The following PCNX3 variants were observed in gnomAD, a reference collection of about 807,000 sequenced individuals.
PCNX3 encodes the protein pecanex 3.
In PCNX3, 58 loss-of-function variants were observed where a neutral mutation model predicts 207.2. The observed-to-expected ratio is 0.28, with a 90% CI of 0.23 to 0.35. The LOEUF (loss-of-function observed/expected upper bound fraction) is 0.35, where lower values mean the gene tolerates loss of function less well. Among genes scored for constraint, PCNX3 ranks in the 10% least tolerant of loss-of-function variants. PCNX3 has a pLI of 1.00. For synonymous variants in PCNX3, 1,337 were observed against 1,183.5 expected (o/e 1.13, Z -2.66); for missense variants, 2,410 against 2,774.4 (o/e 0.87, Z 2.95).
At position 65,625,152 on chromosome 11, in the gene PCNX3, G is replaced by T. The variant is rs1357290202; in HGVS notation, c.2920-19G>T. 2.5e-6 allele frequency: 4 copies of T among 1,588,894 alleles called. No homozygotes were observed. The African/African-American group carries it at 5.4e-5, about 21-fold the overall frequency. ...ATGCTTACCTCACCTCCCCTGACCA[G>T]CATGGATTCTCTCCGCAGACTCCGT... On this transcript the variant is annotated intron_variant, in intron 16 of 34. Transcript: ENST00000355703. This position sits in a 1 kb window ranked among gnomAD's most constrained non-coding sequence, Gnocchi z 5.6.
Position 65,629,594 on chromosome 11 carries a change from G to A in PCNX3, c.4075G>A (p.Asp1359Asn). Residue 1359 changes from aspartate to asparagine, a missense_variant, in exon 26 of 35, where the codon GAC becomes AAC. Asp to Asn is a conservative substitution (Grantham distance 23). Transcript: ENST00000355703. ...TTCGCTGCAGCACACACTGTGTGGGGACCTGGTGCTGGGCCGCTGGGGCAA... is the reference window on the plus strand; with the variant it reads ...TTCGCTGCAGCACACACTGTGTGGGAACCTGGTGCTGGGCCGCTGGGGCAA... The part of the protein sequence containing the change: ...TRSLQHTLCG[D>N]LVLGRWGNYG... 6.2e-7 allele frequency: 1 copy of A among 1,613,082 alleles called. No individual in the cohort carries two copies. Among genetic ancestry groups the A allele is most frequent in the Non-Finnish European group, 8.5e-7 (1 of 1,179,562 alleles).
chr11:65,624,597 G>T lies in PCNX3; in HGVS notation c.2827+16G>T. Reference sequence around the variant, plus strand: ...GGGGGCACAGGTATGATGCCCACAGGTGGCTCAGGGATGGGGCCCGTGTGG... The same window carrying T: ...GGGGGCACAGGTATGATGCCCACAGTTGGCTCAGGGATGGGGCCCGTGTGG... On this transcript the variant is annotated intron_variant, in intron 15 of 34. Transcript: ENST00000355703. 1 of 1,568,486 alleles carries T rather than the reference G, an allele frequency of 6.4e-7. No individual in the cohort carries two copies. Among genetic ancestry groups the T allele is most frequent in the Non-Finnish European group, 8.7e-7 (1 of 1,154,170 alleles).
At chr11:65,616,528 G>T in intron 1 of PCNX3, 64 bp downstream of exon 1, 1 of 1,525,650 alleles carries the variant, frequency 6.6e-7, no homozygotes, top group Non-Finnish European at 8.9e-7. Context: ...CAGGGATTCA[G>T]GGCAGTGCCC....
Position 65,634,997 on chromosome 11 carries a change from G to A in PCNX3, c.4830G>A (p.Leu1610=), listed in dbSNP as rs949349718. The A allele has an allele frequency of 6.2e-7, 1 of 1,613,786 alleles. No homozygotes were observed. The highest frequency in any genetic ancestry group is 2.2e-5 in the East Asian group (1 of 44,856). ...SASLEPFLYG[L]HALFKGDFRI... The stretch of plus-strand genomic sequence containing the variant: ...GCCTGGAGCCCTTCCTCTACGGCCT[G>A]CACGCCCTGTTCAAGGGGGATTTTC... Residue 1610 remains leucine (L), a synonymous_variant, in exon 30 of 35, where the codon CTG becomes CTA. Coordinates refer to ENST00000355703, the MANE Select transcript of PCNX3 (RefSeq NM_032223.4).
At chr11:65,623,242 C>T (rs995800706) in intron 11 of PCNX3, among the ~76,000 whole-genome samples, 4 of 152,210 alleles carry the variant, frequency 2.6e-5, no homozygotes, top group African/African-American at 4.8e-5. Flanking sequence ...GTAATGGCAC[C>T]CTGAGCTCTC....
chr11:65,631,802 A>T (rs1020097624), intron 27 of PCNX3, among the ~76,000 whole-genome samples: 1 of 152,000 alleles, frequency 6.6e-6, no homozygotes, highest in South Asian at 2.1e-4. Flanking sequence ...TGGGTGGCCT[A>T]CTGGGGCCCA....
At chr11:65,628,027 G>A (rs1408371569) in intron 22 of PCNX3, among the ~76,000 whole-genome samples, 1 of 152,172 alleles carries the variant, frequency 6.6e-6, no homozygotes, top group Non-Finnish European at 1.5e-5. Context: ...CCACGGCTTG[G>A]GGGGCTCTTT....
rs1226985410 is a variant in PCNX3 at position 65,629,342 on chromosome 11, A to C, written c.3942-15A>C. On this transcript the variant is annotated splice_polypyrimidine_tract_variant and intron_variant, in intron 24 of 34. Transcript: ENST00000355703. ...CCTTCTTGGCCAACCGCCTTGTTGC[A>C]CTCTCTCTGAACAGCACTAAACGTG... 6.2e-7 allele frequency: 1 copy of C among 1,607,378 alleles called. No homozygotes were observed. The highest frequency in any genetic ancestry group is 8.5e-7 in the Non-Finnish European group (1 of 1,176,822).
chr11:65,637,117 A>G lies in PCNX3; in HGVS notation c.*139A>G, dbSNP rs1230309167. The G allele has an allele frequency of 6.5e-6, 6 of 926,896 alleles. No individual in the cohort carries two copies. The Admixed American group carries it at 1.2e-4, about 19-fold the overall frequency. 57.4% of individuals were successfully genotyped at this position (926,896 alleles called of 1,614,324 possible). A position where few individuals can be genotyped will look rare whatever the true frequency, so the allele number is the denominator to read the frequency against. On this transcript the variant is annotated 3_prime_UTR_variant, in exon 35 of 35. Transcript: ENST00000355703. ...CTTTGGCTGCCTTGGCCAGAGTACCAAAACTGAGTGACCCAGACCTCTGAC... is the reference window on the plus strand; with the variant it reads ...CTTTGGCTGCCTTGGCCAGAGTACCGAAACTGAGTGACCCAGACCTCTGAC...
rs556269153 is a variant in PCNX3 at position 65,636,137 on chromosome 11, G to A, written c.5460-37G>A. The A allele has an allele frequency of 1.4e-5, 22 of 1,578,506 alleles. No homozygotes were observed. The Admixed American group carries it at 3.3e-4, about 24-fold the overall frequency. On this transcript the variant is annotated intron_variant, in intron 32 of 34. Coordinates refer to ENST00000355703, the MANE Select transcript of PCNX3 (RefSeq NM_032223.4). ...TTGTGAGGCCTCTGGCCTCAGCCGT[G>A]TCCCTCCTGATCCCTTTTCTACCTC...
At position 65,615,787 on chromosome 11, in the gene PCNX3, T is replaced by A. The variant is rs1854694457; in HGVS notation, c.-525T>A. ...TGGAATCGTTGGGCGCATGCGCCACTGCAGGCTGGCGGTTCGCGGCTCCTT... is the reference window on the plus strand; with the variant it reads ...TGGAATCGTTGGGCGCATGCGCCACAGCAGGCTGGCGGTTCGCGGCTCCTT... On this transcript the variant is annotated 5_prime_UTR_variant, in exon 1 of 35. Transcript: ENST00000355703. The A allele has an allele frequency of 6.6e-6, 1 of 152,284 alleles. No homozygotes were observed. The allele number at this position is 152,284 out of a possible 1,614,324, so 9.4% of individuals were successfully genotyped here.
At chr11:65,626,806 G>A (rs1034289060) in intron 20 of PCNX3, 98 bp from the exon 21 acceptor site, 2 of 1,517,834 alleles carry the variant, frequency 1.3e-6, no homozygotes, top group Non-Finnish European at 1.8e-6. Context: ...GGGTCTCCGA[G>A]GAGTCAGGAC....
chr11:65,634,219 G>A lies in PCNX3; in HGVS notation c.4564G>A (p.Gly1522Ser), dbSNP rs767095476. ...AGCCCTGAGGCCTGTGCGGGTGCCC[G>A]GCTATGCCGACTCGGATCCCACCTT... Reference protein sequence around the residue: ...TAALRPVRVPGYADSDPTFSL... With the variant: ...TAALRPVRVPSYADSDPTFSL... The change falls in exon 28 of 35, where the codon GGC becomes AGC. Residue 1522 changes from glycine (G) to serine (S), a missense_variant. Gly to Ser is a moderately conservative substitution (Grantham distance 56). Around this residue, in one of 8 missense-constraint regions of PCNX3, gnomAD observed 420 missense variants for 705.3 expected, o/e 0.60. Transcript: ENST00000355703. 1.1e-5 allele frequency: 17 copies of A among 1,613,274 alleles called. No individual in the cohort carries two copies. Among genetic ancestry groups the A allele is most frequent in the Middle Eastern group, 1.7e-4 (1 of 5,976 alleles).
intron 11 of PCNX3, among the ~76,000 whole-genome samples, 190 bp from the exon 12 acceptor site, chr11:65,623,301 C>G (rs1855207476): frequency 1.3e-5 from 2 of 151,920 alleles, no homozygotes; most frequent in African/African-American, 4.9e-5. Context: ...GAGAGCAATA[C>G]AATGGTCGCT....
At chr11:65,631,441 G>C (rs947476691) in intron 27 of PCNX3, among the ~76,000 whole-genome samples, 9 of 152,298 alleles carry the variant, frequency 5.9e-5, no homozygotes, top group Admixed American at 5.9e-4. Context: ...TGGATCACTT[G>C]AGGTCAAGAG....
chr11:65,627,135 C>A, intron 21 of PCNX3, 87 bp downstream of exon 21: 2 of 1,430,750 alleles, frequency 1.4e-6, no homozygotes, highest in South Asian at 1.5e-5. Context: ...GGGAATGAAT[C>A]ATGTCTAAGG....
chr11:65,620,442 G>A lies in PCNX3; in HGVS notation c.2099+13G>A. 1 of 1,610,974 alleles carries A rather than the reference G, an allele frequency of 6.2e-7. No individual in the cohort carries two copies. The highest frequency in any genetic ancestry group is 8.5e-7 in the Non-Finnish European group (1 of 1,178,808). On this transcript the variant is annotated intron_variant, in intron 9 of 34. Transcript: ENST00000355703. ...CTAATGGAGCCTGGTGAGTTCCCAA[G>A]CCTGGCCTCCCAAGCCATTGTCTTG...
Position 65,637,295 on chromosome 11 carries a change from C to T in PCNX3, c.*317C>T. ...CACCTCAGCCCCTGGGCCTGCACTG[C>T]CTGCAGGTGTGGCCCCCTTGGCCTG... On this transcript the variant is annotated 3_prime_UTR_variant, in exon 35 of 35. Transcript: ENST00000355703. The T allele has an allele frequency of 2.8e-6, 1 of 358,810 alleles. No homozygotes were observed. Among genetic ancestry groups the T allele is most frequent in the Non-Finnish European group, 5.1e-6 (1 of 196,592 alleles). 22.2% of individuals were successfully genotyped at this position (358,810 alleles called of 1,614,324 possible).
At position 65,625,868 on chromosome 11, in the gene PCNX3, C is replaced by T. The variant is rs761989252; in HGVS notation, c.3229-36C>T. ...GCCCTCTGTGGTCCCTTGGCCTGCTCCCATCAGCTGAGTCTCTGGCCTCTC... is the reference window on the plus strand; with the variant it reads ...GCCCTCTGTGGTCCCTTGGCCTGCTTCCATCAGCTGAGTCTCTGGCCTCTC... On this transcript the variant is annotated intron_variant, in intron 19 of 34. Transcript: ENST00000355703. The surrounding 1 kb of genome is among the most constrained non-coding windows in gnomAD (Gnocchi z 5.6). The T allele has an allele frequency of 1.7e-5, 27 of 1,605,158 alleles. No individual in the cohort carries two copies. In the African/African-American group the frequency reaches 2.9e-4, roughly 17 times the overall value.
Sources: allele counts gnomAD v4.1 joint callset (sites outside exome capture counted in the v4.1 genomes callset), GRCh38; gene constraint gnomAD v4.1.1; regional missense constraint gnomAD v4.1.1; non-coding constraint Gnocchi (gnomAD v3.1); transcripts MANE v1.5; gene names NCBI Gene and HGNC (gene_info 2026-07-23, HGNC 2026-07-21).